The following CEP290 variants were observed in gnomAD, a reference collection of about 807,000 sequenced individuals.
CEP290 encodes the protein centrosomal protein 290.
In CEP290, 317 loss-of-function variants were observed where a neutral mutation model predicts 344.9. The ratio of observed to expected loss-of-function variants is 0.92; its 90% CI spans 0.84 to 1.01. The LOEUF (loss-of-function observed/expected upper bound fraction) is 1.01, where lower values mean the gene tolerates loss of function less well. CEP290 is among the 50% of genes least tolerant of loss of function. The pLI is 0.00. For missense variants in CEP290, 2,754 were observed against 2,761.4 expected (o/e 1.00, Z 0.06); for synonymous variants, 932 against 895.8 (o/e 1.04, Z -0.72).
intron 6 of CEP290, 105 bp from the exon 7 acceptor site, chr12:88,131,323 G>C (rs2040058642): frequency 1.3e-6 from 1 of 763,622 alleles, no homozygotes; most frequent in African/African-American, 1.9e-5. Context: ...GAGTACAGTG[G>C]TGCGATCTCG....
intron 29 of CEP290, among the ~76,000 whole-genome samples, chr12:88,091,072 C>T (rs900669552): frequency 2.6e-5 from 4 of 152,182 alleles, no homozygotes; most frequent in African/African-American, 9.6e-5. Flanking sequence ...CCTCCTCCCT[C>T]TTGAATATTC....
intron 27 of CEP290, 116 bp from the exon 28 acceptor site, chr12:88,094,091 C>CCA: frequency 1.3e-6 from 1 of 778,060 alleles, no homozygotes; most frequent in Non-Finnish European, 2.0e-6. Flanking sequence ...CATTAGCTTT[C>CCA]TGAATTCCAT....
chr12:88,139,875 C>T (rs1297112713), intron 3 of CEP290, among the ~76,000 whole-genome samples: 5 of 152,096 alleles, frequency 3.3e-5, no homozygotes, highest in African/African-American at 1.2e-4. Flanking sequence ...ACTACAGGTG[C>T]ATGCCATCAT....
chr12:88,109,354 T>C (rs1006452299), intron 22 of CEP290, among the ~76,000 whole-genome samples, 173 bp from the exon 23 acceptor site: 5 of 152,094 alleles, frequency 3.3e-5, no homozygotes, highest in Non-Finnish European at 5.9e-5. Context: ...GTTTAAGGCA[T>C]AAAAAAAGAG....
chr12:88,081,176 C>T (rs549976623), intron 37 of CEP290, among the ~76,000 whole-genome samples: 9 of 152,196 alleles, frequency 5.9e-5, no homozygotes, highest in Non-Finnish European at 1.2e-4. Context: ...GTAGCACCCC[C>T]GAGCCATGAC....
intron 3 of CEP290, 109 bp from the exon 4 acceptor site, chr12:88,139,673 G>T: frequency 1.3e-6 from 1 of 767,318 alleles, no homozygotes; most frequent in Non-Finnish European, 1.9e-6. Context: ...GCAATGGCTG[G>T]CACATGGAGA....
At position 88,071,852 on chromosome 12, in the gene CEP290, CT is replaced by C. The variant is rs2136964738; in HGVS notation, c.5783del (p.Lys1928SerfsTer2). On this transcript the variant is annotated frameshift_variant, in exon 42 of 54. Transcript: ENST00000552810. LOFTEE classifies it high-confidence loss of function. ...WQAKIEGIRN[K>X]LKEKEGEVFT... is the part of the protein sequence containing the mutation. ...AGACTTCCCCCTCTTTCTCTTTTAACTTGTTTCGAATTCCTTCTATTTTGGC... is the reference window on the plus strand; with the variant it reads ...AGACTTCCCCCTCTTTCTCTTTTAACTGTTTCGAATTCCTTCTATTTTGGC... 6.2e-7 allele frequency: 1 copy of C among 1,605,116 alleles called. No homozygotes were observed. The highest frequency in any genetic ancestry group is 8.5e-7 in the Non-Finnish European group (1 of 1,176,452).
At chr12:88,090,402 T>C (rs1313031411) in intron 30 of CEP290, among the ~76,000 whole-genome samples, 1 of 152,092 alleles carries the variant, frequency 6.6e-6, no homozygotes, top group Non-Finnish European at 1.5e-5. Context: ...GAAGTCAAGG[T>C]GGGCAGATCA....
At chr12:88,064,195 T>C in intron 44 of CEP290, 80 bp from the exon 45 acceptor site, 1 of 1,220,314 alleles carries the variant, frequency 8.2e-7, no homozygotes, top group Non-Finnish European at 1.1e-6. Flanking sequence ...AAGAAAATAC[T>C]GTCAAAAGGT....
At chr12:88,130,514 T>TC in intron 8 of CEP290, 31 bp downstream of exon 8, 1 of 1,594,060 alleles carries the variant, frequency 6.3e-7, no homozygotes, top group Non-Finnish European at 8.5e-7. Flanking sequence ...TATTTTAAAT[T>TC]CCCAAGATTT....
intron 13 of CEP290, among the ~76,000 whole-genome samples, chr12:88,124,455 C>T (rs973832186): frequency 6.6e-6 from 1 of 152,062 alleles, no homozygotes; most frequent in Non-Finnish European, 1.5e-5. Flanking sequence ...AAATTACAAC[C>T]GTACCTGCAA....
chr12:88,102,242 TA>T (rs2037944475), intron 26 of CEP290, among the ~76,000 whole-genome samples: 1 of 152,220 alleles, frequency 6.6e-6, no homozygotes, highest in Non-Finnish European at 1.5e-5. Flanking sequence ...TATTCTACTC[TA>T]GTTTTTTTAT....
intron 13 of CEP290, among the ~76,000 whole-genome samples, chr12:88,121,536 A>G (rs1355976368): frequency 6.6e-6 from 1 of 151,848 alleles, no homozygotes; most frequent in African/African-American, 2.4e-5. Context: ...AAAGAACTAA[A>G]TTTCCACTTA....
intron 26 of CEP290, among the ~76,000 whole-genome samples, chr12:88,098,113 C>T (rs1326379965): frequency 1.3e-5 from 2 of 150,928 alleles, no homozygotes; most frequent in Non-Finnish European, 3.0e-5. Flanking sequence ...TCGAGACAAG[C>T]CTGGCCAACA....
chr12:88,128,688 T>C (rs2039879424), intron 11 of CEP290, among the ~76,000 whole-genome samples: 1 of 152,168 alleles, frequency 6.6e-6, no homozygotes, highest in Admixed American at 6.5e-5. Flanking sequence ...ATGCCAAATA[T>C]ATTTTGGAGT....
At chr12:88,139,781 G>A (rs1031537418) in intron 3 of CEP290, among the ~76,000 whole-genome samples, 1 of 152,176 alleles carries the variant, frequency 6.6e-6, no homozygotes, top group African/African-American at 2.4e-5. Flanking sequence ...AGGCTGGAGT[G>A]CAGTGGCACA....
intron 25 of CEP290, 102 bp from the exon 26 acceptor site, chr12:88,103,113 T>C: frequency 6.9e-6 from 4 of 578,846 alleles, no homozygotes; most frequent in Non-Finnish European, 8.0e-6. Context: ...AAAACGAATT[T>C]TAAAATCATT....
intron 18 of CEP290, chr12:88,115,914 G>C (rs778574594): frequency 1.6e-4 from 155 of 984,238 alleles, no homozygotes; most frequent in Non-Finnish European, 1.8e-4. Flanking sequence ...TGTCTGTAAG[G>C]GTACTTCACT....
intron 25 of CEP290, among the ~76,000 whole-genome samples, chr12:88,106,097 G>T (rs1050501096): frequency 1.3e-5 from 2 of 152,068 alleles, no homozygotes; most frequent in Non-Finnish European, 2.9e-5. Context: ...TACAAAACAT[G>T]GAACAACCAG....
Sources: allele counts gnomAD v4.1 joint callset (sites outside exome capture counted in the v4.1 genomes callset), GRCh38; gene constraint gnomAD v4.1.1; transcripts MANE v1.5; gene names NCBI Gene and HGNC (gene_info 2026-07-23, HGNC 2026-07-21).